The following LOC122539214 variants were observed in gnomAD, a reference collection of about 807,000 sequenced individuals.
chr19:52,677,212 C>CTTTAAACCAA, the LOC122539214 span, among the ~76,000 whole-genome samples: 1 of 150,776 alleles, frequency 6.6e-6, no homozygotes, highest in Admixed American at 6.6e-5. Context: ...CAAAATCAGC[C>CTTTAAACCAA]TGCAGTTCAC....
the LOC122539214 span, among the ~76,000 whole-genome samples, chr19:52,663,376 C>A: frequency 6.6e-6 from 1 of 152,148 alleles, no homozygotes; most frequent in African/African-American, 2.4e-5. Context: ...GAAATGAGAT[C>A]TGAGCAAATG....
the LOC122539214 span, among the ~76,000 whole-genome samples, chr19:52,687,609 A>AAAT: frequency 5.1e-5 from 1 of 19,428 alleles, no homozygotes; most frequent in African/African-American, 5.0e-4. Context: ...GTATATATAT[A>AAAT]TAATGTGTAT....
At chr19:52,677,386 T>C in the LOC122539214 span, among the ~76,000 whole-genome samples, 6 of 151,162 alleles carry the variant, frequency 4.0e-5, no homozygotes, top group East Asian at 1.2e-3. Context: ...CTCAGGAGGC[T>C]GAGGCAGGAG....
the LOC122539214 span, among the ~76,000 whole-genome samples, chr19:52,669,484 T>A: frequency 6.6e-6 from 1 of 152,220 alleles, no homozygotes; most frequent in Admixed American, 6.5e-5. Context: ...ACCAGCCAGA[T>A]GTCTTGGGAA....
chr19:52,671,111 C>T, the LOC122539214 span, among the ~76,000 whole-genome samples: 2 of 152,118 alleles, frequency 1.3e-5, no homozygotes, highest in East Asian at 1.9e-4. Flanking sequence ...ACAAACGATA[C>T]CTTTGAAGGA....
chr19:52,650,896 G>A, the LOC122539214 span: 2 of 152,178 alleles, frequency 1.3e-5, no homozygotes, highest in Admixed American at 6.5e-5. Flanking sequence ...GTGGTCAAGG[G>A]AGGGAAATTG....
the LOC122539214 span, among the ~76,000 whole-genome samples, chr19:52,666,272 AAGAG>A: frequency 2.0e-4 from 30 of 151,832 alleles, no homozygotes; most frequent in South Asian, 3.7e-3. Context: ...AGAGTCAGAA[AAGAG>A]AGAGAGAGAG....
At chr19:52,687,673 T>A in the LOC122539214 span, among the ~76,000 whole-genome samples, 1 of 111,586 alleles carries the variant, frequency 9.0e-6, no homozygotes, top group African/African-American at 3.9e-5. Context: ...TATATATATA[T>A]AACTAGCCGG....
chr19:52,689,584 T>A, the LOC122539214 span, among the ~76,000 whole-genome samples: 6 of 152,226 alleles, frequency 3.9e-5, no homozygotes, highest in African/African-American at 1.2e-4. Flanking sequence ...TCTCTGTACA[T>A]CCAGCTTTTC....
At chr19:52,652,843 C>A in the LOC122539214 span, 1 of 959,076 alleles carries the variant, frequency 1.0e-6, no homozygotes. Flanking sequence ...TCTATGATGG[C>A]ATACAAAGGA....
the LOC122539214 span, among the ~76,000 whole-genome samples, chr19:52,676,026 T>C: frequency 6.6e-6 from 1 of 152,122 alleles, no homozygotes; most frequent in Non-Finnish European, 1.5e-5. Context: ...CTGTCTCTAC[T>C]AACAATACAG....
the LOC122539214 span, among the ~76,000 whole-genome samples, chr19:52,687,626 A>AATGTG: frequency 1.1e-4 from 2 of 17,696 alleles, 1 homozygote; most frequent in Non-Finnish European, 1.9e-4. Flanking sequence ...GTATATATAT[A>AATGTG]TATAATGTAT....
chr19:52,677,745 A>G, the LOC122539214 span, among the ~76,000 whole-genome samples: 8 of 152,070 alleles, frequency 5.3e-5, no homozygotes, highest in Admixed American at 1.3e-4. Context: ...TTGTGAAAAA[A>G]GAGCCAGGCC....
chr19:52,665,378 C>T, the LOC122539214 span, among the ~76,000 whole-genome samples: 1 of 151,904 alleles, frequency 6.6e-6, no homozygotes, highest in African/African-American at 2.4e-5. Context: ...GTAAGACCCT[C>T]TACCCCAGAG....
the LOC122539214 span, among the ~76,000 whole-genome samples, chr19:52,666,409 A>G: frequency 7.2e-5 from 11 of 152,112 alleles, no homozygotes; most frequent in African/African-American, 2.7e-4. Context: ...CCCTGTTGTC[A>G]GTGTAAACAA....
chr19:52,678,687 T>A, the LOC122539214 span, among the ~76,000 whole-genome samples: 2 of 151,882 alleles, frequency 1.3e-5, no homozygotes, highest in African/African-American at 4.8e-5. Context: ...ATCAAAAATA[T>A]CTTTGTAGGC....
the LOC122539214 span, chr19:52,652,068 T>G: frequency 4.2e-6 from 1 of 240,664 alleles, no homozygotes; most frequent in Non-Finnish European, 8.3e-6. Flanking sequence ...CTAAAGACAT[T>G]GCCACACCTA....
At chr19:52,659,394 G>A in the LOC122539214 span, among the ~76,000 whole-genome samples, 13 of 152,034 alleles carry the variant, frequency 8.6e-5, no homozygotes, top group Non-Finnish European at 1.0e-4. Context: ...GTTTCATCAC[G>A]GGACAATAGT....
chr19:52,663,502 T>TAGAG, the LOC122539214 span, among the ~76,000 whole-genome samples: 1 of 152,202 alleles, frequency 6.6e-6, no homozygotes, highest in African/African-American at 2.4e-5. Context: ...AATGTTTACT[T>TAGAG]AGAGGCTCAC....
Sources: allele counts gnomAD v4.1 joint callset (sites outside exome capture counted in the v4.1 genomes callset), GRCh38; gene constraint gnomAD v4.1.1; transcripts MANE v1.5.